The following PTPN5 variants were observed in gnomAD, a reference collection of about 807,000 sequenced individuals.
The protein encoded by PTPN5 is tyrosine-protein phosphatase non-receptor type 5.
PTPN5 carries 29 observed loss-of-function variants against 73.9 expected under a neutral mutation model. The ratio of observed to expected loss-of-function variants is 0.39; its 90% CI spans 0.29 to 0.54. The LOEUF (loss-of-function observed/expected upper bound fraction) is 0.54. Ranked by LOEUF, PTPN5 falls within the 20% of genes least tolerant of loss-of-function variation. The pLI, the probability that PTPN5 is intolerant of heterozygous loss-of-function variation, is 0.65. For synonymous variants in PTPN5, 267 were observed against 304.7 expected (o/e 0.88, Z 1.29); for missense variants, 652 against 751.4 (o/e 0.87, Z 1.55).
At chr11:18,783,778 T>C (rs997167924) in intron 1 of PTPN5, among the ~76,000 whole-genome samples, 3 of 152,254 alleles carry the variant, frequency 2.0e-5, no homozygotes, top group African/African-American at 7.2e-5. Context: ...CTTGTGGTCG[T>C]GTTGATTGCT....
chr11:18,741,921 C>T (rs1490961504), intron 7 of PTPN5, among the ~76,000 whole-genome samples: 1 of 152,196 alleles, frequency 6.6e-6, no homozygotes, highest in East Asian at 1.9e-4. Context: ...TTGGGAAATG[C>T]CACATACTGC....
intron 3 of PTPN5, among the ~76,000 whole-genome samples, chr11:18,759,944 G>A (rs1162894540): frequency 1.3e-5 from 2 of 150,702 alleles, no homozygotes; most frequent in Non-Finnish European, 3.0e-5. Flanking sequence ...CCATTATGAG[G>A]TAAACCTGCT....
At position 18,728,922 on chromosome 11, in the gene PTPN5, G is replaced by A. The variant is rs1425145409; in HGVS notation, c.*12C>T. The A allele has an allele frequency of 3.7e-6, 6 of 1,611,078 alleles. No individual in the cohort carries two copies. Among genetic ancestry groups the A allele is most frequent in the Non-Finnish European group, 5.1e-6 (6 of 1,178,770 alleles). ...TGGGCAGTGCCCAGAGAACCTTGTA[G>A]GAGAAGCGCAGTCATTCTGGGGACT... is the stretch of plus-strand genomic sequence containing the variant. On this transcript the variant is annotated 3_prime_UTR_variant, in exon 15 of 15. Coordinates refer to ENST00000358540, the MANE Select transcript of PTPN5 (RefSeq NM_006906.2). The surrounding 1 kb of genome is among the most constrained non-coding windows in gnomAD (Gnocchi z 4.1).
intron 12 of PTPN5, chr11:18,730,345 C>T (rs918210886): frequency 5.5e-6 from 1 of 181,986 alleles, no homozygotes; most frequent in Non-Finnish European, 1.1e-5. Flanking sequence ...TGCCTCATCC[C>T]CAACTGTCTC....
chr11:18,775,232 T>G (rs1167937680), intron 1 of PTPN5, among the ~76,000 whole-genome samples: 1 of 152,240 alleles, frequency 6.6e-6, no homozygotes, highest in Non-Finnish European at 1.5e-5. Flanking sequence ...CTTTTTAGCT[T>G]TTGGTAAGAA....
rs756637739 is a variant in PTPN5 at position 18,782,231 on chromosome 11, CT to C, written c.-114+9293del. 7.3e-3 allele frequency among the ~76,000 whole-genome samples: 1,062 copies of C among 145,774 alleles called. 10 individuals are homozygous for C. The highest frequency in any genetic ancestry group is 0.018 in the African/African-American group (732 of 40,050). ...CGTGGATGGATCTCAAAAACTATGT[CT>C]TTTTTTTTTTTTGGAGATGGAGTCT... On this transcript the variant is annotated intron_variant, in intron 1 of 14. Coordinates refer to ENST00000358540, the MANE Select transcript of PTPN5 (RefSeq NM_006906.2).
intron 3 of PTPN5, among the ~76,000 whole-genome samples, chr11:18,758,570 G>A (rs1850251498): frequency 6.6e-6 from 1 of 152,174 alleles, no homozygotes; most frequent in Non-Finnish European, 1.5e-5. Context: ...AAATAAAATG[G>A]TTGTTGTTTG....
At chr11:18,761,293 C>T (rs568050340) in intron 3 of PTPN5, among the ~76,000 whole-genome samples, 67 of 152,306 alleles carry the variant, frequency 4.4e-4, no homozygotes, top group African/African-American at 1.6e-3. Context: ...CTACCTTGTA[C>T]CTCCGCGGCA....
At chr11:18,738,328 G>T (rs1027140217) in intron 8 of PTPN5, among the ~76,000 whole-genome samples, 5 of 152,128 alleles carry the variant, frequency 3.3e-5, no homozygotes, top group African/African-American at 1.2e-4. Flanking sequence ...CGGGACCTAG[G>T]TTCGTGCTGC....
chr11:18,749,148 T>C (rs962759335), intron 3 of PTPN5, among the ~76,000 whole-genome samples: 18 of 152,212 alleles, frequency 1.2e-4, no homozygotes, highest in African/African-American at 4.3e-4. Flanking sequence ...GTTTTGTCAG[T>C]GAGAGGCGGC....
chr11:18,768,159 T>C (rs754083343), intron 2 of PTPN5, among the ~76,000 whole-genome samples: 8 of 152,244 alleles, frequency 5.3e-5, no homozygotes, highest in Non-Finnish European at 1.2e-4. Flanking sequence ...CTGACGTTCT[T>C]GAGAAAACAT....
rs751879823 is a variant in PTPN5, at chr11:18,743,346, C to T, written c.375G>A (p.Thr125=). 60 of 1,614,012 alleles carry T rather than the reference C, an allele frequency of 3.7e-5. No individual in the cohort carries two copies. Among genetic ancestry groups the T allele is most frequent in the Middle Eastern group, 1.6e-4 (1 of 6,084 alleles). Residue 125 remains threonine (T), a synonymous_variant, in exon 5 of 15, where the codon ACG becomes ACA. Transcript: ENST00000358540. ...NATNLVSSLL[T]LLKQLEPTAW... is the part of the protein sequence containing the mutation. ...CCGTGGGTTCCAGCTGTTTCAGGAG[C>T]GTCAGCAAAGAGGAGACGAGGTTTG...
At chr11:18,743,249 G>C in intron 5 of PTPN5, 73 bp downstream of exon 5, 1 of 1,425,268 alleles carries the variant, frequency 7.0e-7, no homozygotes, top group Non-Finnish European at 9.9e-7. Context: ...GCCCAATCTG[G>C]AGGTTGGGGA....
In PTPN5 at chr11:18,729,630, G is replaced by C. The variant is rs369713148; in HGVS notation, c.1490+28C>G. The C allele has an allele frequency of 6.3e-7, 1 of 1,575,392 alleles. No individual in the cohort carries two copies. The highest frequency in any genetic ancestry group is 2.3e-5 in the East Asian group (1 of 44,318). ...AGCCCAGCGGGTGGGGGGCTGCCCC[G>C]CTCCAGTGGCTGGCTGGGAGGACCC... On this transcript the variant is annotated intron_variant, in intron 13 of 14. Transcript: ENST00000358540. This position sits in a 1 kb window ranked among gnomAD's most constrained non-coding sequence, Gnocchi z 5.2.
intron 5 of PTPN5, 53 bp from the exon 6 acceptor site, chr11:18,743,128 G>T: frequency 7.4e-7 from 1 of 1,349,086 alleles, no homozygotes; most frequent in Non-Finnish European, 1.0e-6. Flanking sequence ...AGAGTTCTCA[G>T]CTCTTGCAAT....
chr11:18,741,053 GT>G (rs1324529504), intron 7 of PTPN5, among the ~76,000 whole-genome samples: 1 of 152,130 alleles, frequency 6.6e-6, no homozygotes, highest in Non-Finnish European at 1.5e-5. Context: ...AGTTCTAAAA[GT>G]TCCATCCAAA....
chr11:18,757,970 A>G (rs1350844121), intron 3 of PTPN5, among the ~76,000 whole-genome samples: 1 of 152,236 alleles, frequency 6.6e-6, no homozygotes, highest in Non-Finnish European at 1.5e-5. Context: ...AGAGCCAAAG[A>G]AAAGAGAAGA....
rs548121159 is a variant in PTPN5 at position 18,763,627 on chromosome 11, C to T, written c.97+2180G>A. ...GCGGCTTCATCCCATTTTGCAGAAG[C>T]AGCTCAGAGCTGAAGTTGTCCATGA... On this transcript the variant is annotated intron_variant, in intron 3 of 14. Coordinates refer to ENST00000358540, the MANE Select transcript of PTPN5 (RefSeq NM_006906.2). 2.0e-5 allele frequency among the ~76,000 whole-genome samples: 3 copies of T among 152,338 alleles called. No homozygotes were observed. The South Asian group carries it at 6.2e-4, about 32-fold the overall frequency.
At chr11:18,763,818 T>C (rs1850510269) in intron 3 of PTPN5, among the ~76,000 whole-genome samples, 1 of 152,236 alleles carries the variant, frequency 6.6e-6, no homozygotes, top group African/African-American at 2.4e-5. Flanking sequence ...CATATTGCTA[T>C]TGTTTCTGCT....
Sources: allele counts gnomAD v4.1 joint callset (sites outside exome capture counted in the v4.1 genomes callset), GRCh38; gene constraint gnomAD v4.1.1; non-coding constraint Gnocchi (gnomAD v3.1); transcripts MANE v1.5; gene names NCBI Gene and HGNC (gene_info 2026-07-23, HGNC 2026-07-21).